The following TRMT5 variants were observed in gnomAD, a reference collection of about 807,000 sequenced individuals.
TRMT5 encodes tRNA methyltransferase 5.
Under a neutral mutation model 42.2 loss-of-function variants are expected in TRMT5, and 31 were observed. The observed-to-expected ratio is 0.73, with a 90% CI of 0.55 to 0.99. The LOEUF is 0.99. Among genes scored for constraint, TRMT5 ranks in the 50% least tolerant of loss-of-function variants. TRMT5 has a pLI of 0.00. For missense variants in TRMT5, 568 were observed against 595.0 expected (o/e 0.95, Z 0.47); for synonymous variants, 198 against 209.6 (o/e 0.94, Z 0.48).
intron 1 of TRMT5, among the ~76,000 whole-genome samples, chr14:60,980,383 C>A (rs1377402963): frequency 6.6e-6 from 1 of 152,192 alleles, no homozygotes; most frequent in Non-Finnish European, 1.5e-5. Flanking sequence ...AATAAGTAAA[C>A]TAAAGCTCAG....
chr14:60,976,860 CAGAAAAT>C (rs2036854843), intron 3 of TRMT5, among the ~76,000 whole-genome samples: 1 of 152,034 alleles, frequency 6.6e-6, no homozygotes, highest in Non-Finnish European at 1.5e-5. Flanking sequence ...CCTTAAAAAA[CAGAAAAT>C]AAAACTTAAG....
At position 60,976,132 on chromosome 14, in the gene TRMT5, A is replaced by T; in HGVS notation, c.793-6T>A. ...GTGTAGTTGTTTTCTCGAACCTGAA[A>T]AAAGGTGTTATGCTTTTTGGTTAAT... is the stretch of plus-strand genomic sequence containing the variant. On this transcript the variant is annotated splice_polypyrimidine_tract_variant and splice_region_variant and intron_variant, in intron 3 of 4. Transcript: ENST00000261249. 1 of 1,599,062 alleles carries T rather than the reference A, an allele frequency of 6.3e-7. No homozygotes were observed. Among genetic ancestry groups the T allele is most frequent in the Middle Eastern group, 1.7e-4 (1 of 5,960 alleles).
In TRMT5 at chr14:60,975,119, GA is replaced by G; in HGVS notation, c.1519del (p.Ser507GlnfsTer36). The G allele has an allele frequency of 6.2e-7, 1 of 1,609,002 alleles. No individual in the cohort carries two copies. The highest frequency in any genetic ancestry group is 8.5e-7 in the Non-Finnish European group (1 of 1,178,058). Reference protein sequence around the residue: ...AFSDEKTQIVSNT With the variant: ...AFSDEKTQIVXNT ...AGAAAACATTTCCAATTAAGTGTTT[GA>G]AACAATTTGTGTTTTTTCGTCTGAA... On this transcript the variant is annotated frameshift_variant, in exon 5 of 5. Coordinates refer to ENST00000261249, the MANE Select transcript of TRMT5 (RefSeq NM_020810.3). LOFTEE classifies it high-confidence loss of function.
chr14:60,972,296 C>T lies in TRMT5; in HGVS notation c.*2813G>A. 1.9e-6 allele frequency: 1 copy of T among 537,274 alleles called. No homozygotes were observed. The highest frequency in any genetic ancestry group is 3.7e-6 in the Non-Finnish European group (1 of 268,370). The allele number at this position is 537,274 out of a possible 1,614,324, so 33.3% of individuals were successfully genotyped here. On this transcript the variant is annotated 3_prime_UTR_variant, in exon 5 of 5. Coordinates refer to ENST00000261249, the MANE Select transcript of TRMT5 (RefSeq NM_020810.3). ...GCTCCTTGCCAGCATCAGCTTTTCT[C>T]TTTTTCCCTTTGGGTACCTTCTCTC...
rs192516858 is a variant in TRMT5 at position 60,980,903 on chromosome 14, G to T, written c.11+60C>A. On this transcript the variant is annotated intron_variant, in intron 1 of 4. Coordinates refer to ENST00000261249, the MANE Select transcript of TRMT5 (RefSeq NM_020810.3). Reference sequence around the variant, plus strand: ...CCCAGGCAGCACATGGCAGAGAGCAGCCCTGGGCGGGCTGGTACCTCCCCT... The same window carrying T: ...CCCAGGCAGCACATGGCAGAGAGCATCCCTGGGCGGGCTGGTACCTCCCCT... The T allele has an allele frequency of 2.5e-5, 40 of 1,610,976 alleles. 1 individual carries two copies. In the African/African-American group the frequency reaches 3.7e-4, roughly 15 times the overall value.
At chr14:60,979,951 A>G (rs1452268297) in intron 1 of TRMT5, 65 bp from the exon 2 acceptor site, 5 of 1,466,738 alleles carry the variant, frequency 3.4e-6, no homozygotes, top group Middle Eastern at 2.5e-4. Flanking sequence ...AAATTCTACT[A>G]TCTCAAATAA....
At chr14:60,981,636 G>A (rs2037031396), upstream of TRMT5, 1 of 1,450,524 alleles carries the variant, frequency 6.9e-7, no homozygotes, top group African/African-American at 1.4e-5. Context: ...GCGTTGAGTG[G>A]AAGCTGCGAA....
Position 60,975,112 on chromosome 14 carries a change from A to C in TRMT5, c.1527T>G (p.Thr509=), listed in dbSNP as rs760634720. 14 of 1,606,058 alleles carry C rather than the reference A, an allele frequency of 8.7e-6. No individual in the cohort carries two copies. The highest frequency in any genetic ancestry group is 1.1e-5 in the Non-Finnish European group (13 of 1,176,896). Residue 509 remains threonine, a synonymous_variant, in exon 5 of 5, where the codon ACT becomes ACG. Transcript: ENST00000261249. ...SDEKTQIVSN[T] is the part of the protein sequence containing the mutation. ...GAGATGGAGAAAACATTTCCAATTA[A>C]GTGTTTGAAACAATTTGTGTTTTTT...
rs1327894092 is a variant in TRMT5, at chr14:60,975,524, C to G, written c.1395G>C (p.Thr465=). The G allele has an allele frequency of 6.2e-7, 1 of 1,614,194 alleles. No individual in the cohort carries two copies. The highest frequency in any genetic ancestry group is 1.1e-5 in the South Asian group (1 of 91,090). ...VAPNKEMLCI[T]FQIPASVLYK... ...AGAGGACAGAGGCAGGAATCTGAAA[C>G]GTGATGCACAGCATTTCCTTGTTTG... is the stretch of plus-strand genomic sequence containing the variant. Residue 465 remains threonine, a synonymous_variant, in exon 4 of 5, where the codon ACG becomes ACC. Transcript: ENST00000261249.
At position 60,979,749 on chromosome 14, in the gene TRMT5, A is replaced by G; in HGVS notation, c.149T>C (p.Leu50Ser). Residue 50 changes from leucine (L) to serine (S), a missense_variant, in exon 2 of 5, where the codon TTA becomes TCA. By Grantham distance (145) the Leu-to-Ser change is moderately radical (BLOSUM62 -2). Transcript: ENST00000261249. ...QMLLEAPGIF[L>S]LGQRKRFSTM... ...TGAGAATCTTTTTCTTTGACCCAATAAGAAAATACCAGGTGCTTCCAAAAG... is the reference window on the plus strand; with the variant it reads ...TGAGAATCTTTTTCTTTGACCCAATGAGAAAATACCAGGTGCTTCCAAAAG... 1 of 1,614,128 alleles carries G rather than the reference A, an allele frequency of 6.2e-7. No homozygotes were observed. The highest frequency in any genetic ancestry group is 8.5e-7 in the Non-Finnish European group (1 of 1,180,018).
chr14:60,975,345 T>A, intron 4 of TRMT5, 130 bp downstream of exon 4: 1 of 1,343,266 alleles, frequency 7.4e-7, no homozygotes, highest in Non-Finnish European at 1.0e-6. Context: ...AATAGCCTTC[T>A]ATTAGACTGA....
Position 60,972,270 on chromosome 14 carries a change from C to T in TRMT5, c.*2839G>A, listed in dbSNP as rs1024139940. 7.5e-6 allele frequency: 4 copies of T among 532,490 alleles called. No individual in the cohort carries two copies. The highest frequency in any genetic ancestry group is 1.0e-4 in the East Asian group (2 of 19,502). 33.0% of individuals were successfully genotyped at this position (532,490 alleles called of 1,614,324 possible). A position where few individuals can be genotyped will look rare whatever the true frequency, so the allele number is the denominator to read the frequency against. ...TCACTTGGGATCTCCAGCACCTTCC[C>T]GCTCCTTGCCAGCATCAGCTTTTCT... On this transcript the variant is annotated 3_prime_UTR_variant, in exon 5 of 5. Transcript: ENST00000261249.
chr14:60,981,249 A>G (rs761550957), upstream of TRMT5: 31 of 1,575,126 alleles, frequency 2.0e-5, no homozygotes, highest in Non-Finnish European at 2.4e-5. Flanking sequence ...AGGCTCGTAG[A>G]TGGAACTGGT....
rs181850866 is a variant in TRMT5, at chr14:60,977,956, A to G, written c.668-318T>C. Reference sequence around the variant, plus strand: ...AATAAACAAGGAACCAAAAAGGTAGATCACAAGGAATTGGGAAAGAATGGA... The same window carrying G: ...AATAAACAAGGAACCAAAAAGGTAGGTCACAAGGAATTGGGAAAGAATGGA... On this transcript the variant is annotated intron_variant, in intron 2 of 4. Transcript: ENST00000261249. Among the ~76,000 whole-genome samples, 133 of 152,346 alleles carry G rather than the reference A, an allele frequency of 8.7e-4. 1 individual carries two copies. The highest frequency in any genetic ancestry group is 3.1e-3 in the African/African-American group (129 of 41,592).
In TRMT5 at chr14:60,979,357, T is replaced by TA. The variant is rs754441776; in HGVS notation, c.540dup (p.Lys181Ter). 4.3e-6 allele frequency: 7 copies of TA among 1,614,170 alleles called. No homozygotes were observed. The South Asian group carries it at 7.7e-5, about 18-fold the overall frequency. On this transcript the variant is annotated frameshift_variant, in exon 2 of 5. Coordinates refer to ENST00000261249, the MANE Select transcript of TRMT5 (RefSeq NM_020810.3). LOFTEE classifies it high-confidence loss of function. ...ACAGCTCTCAAGATTTCTTCTGACTTAAAGTGTTCATATGTTAGTTCCAAA... is the reference window on the plus strand; with the variant it reads ...ACAGCTCTCAAGATTTCTTCTGACTTAAAAGTGTTCATATGTTAGTTCCAAA...
Position 60,979,351 on chromosome 14 carries a change from C to T in TRMT5, c.547G>A (p.Glu183Lys). The change falls in exon 2 of 5, where the codon GAA (glutamate) becomes AAA (lysine). Residue 183 changes from glutamate (E) to lysine (K), a missense_variant. Transcript: ENST00000261249. Reference sequence around the variant, plus strand: ...GGAAGCACAGCTCTCAAGATTTCTTCTGACTTAAAGTGTTCATATGTTAGT... The same window carrying T: ...GGAAGCACAGCTCTCAAGATTTCTTTTGACTTAAAGTGTTCATATGTTAGT... The part of the protein sequence containing the change: ...LELTYEHFKS[E>K]EILRAVLPEG... 1 of 1,614,114 alleles carries T rather than the reference C, an allele frequency of 6.2e-7. No individual in the cohort carries two copies.
intron 3 of TRMT5, among the ~76,000 whole-genome samples, chr14:60,976,374 G>C (rs2036847633): frequency 6.6e-6 from 1 of 152,100 alleles, no homozygotes; most frequent in Non-Finnish European, 1.5e-5. Context: ...AAGCCAAATG[G>C]CTCTCCATCT....
intron 3 of TRMT5, among the ~76,000 whole-genome samples, 166 bp from the exon 4 acceptor site, chr14:60,976,292 G>A (rs1292492024): frequency 6.6e-6 from 1 of 152,140 alleles, no homozygotes; most frequent in African/African-American, 2.4e-5. Flanking sequence ...TAGACTCCTG[G>A]TGTTTATGCT....
chr14:60,978,303 C>T (rs1266388324), intron 2 of TRMT5, among the ~76,000 whole-genome samples: 3 of 152,162 alleles, frequency 2.0e-5, no homozygotes, highest in Non-Finnish European at 4.4e-5. Context: ...CATTGCATAA[C>T]TTGATTTGTA....
Sources: gnomAD v4.1 joint callset for allele counts (sites outside exome capture counted in the v4.1 genomes callset) on GRCh38, gnomAD v4.1.1 for gene constraint, MANE v1.5 for transcripts, NCBI Gene and HGNC (gene_info 2026-07-23, HGNC 2026-07-21) for gene names.